The following DCP2 variants were observed in gnomAD, a reference collection of about 807,000 sequenced individuals.
DCP2 encodes m7GpppN-mRNA hydrolase.
Under a neutral mutation model 56.1 loss-of-function variants are expected in DCP2, and 30 were observed. The observed-to-expected ratio is 0.53, with a 90% CI of 0.40 to 0.73. DCP2 has a LOEUF of 0.73. Among genes scored for constraint, DCP2 ranks in the 30% least tolerant of loss-of-function variants. The pLI, the probability that DCP2 is intolerant of heterozygous loss-of-function variation, is 0.00. For missense variants in DCP2, 533 were observed against 502.7 expected (o/e 1.06, Z -0.58); for synonymous variants, 197 against 163.3 (o/e 1.21, Z -1.57).
At chr5:112,999,719 TC>T (rs1335871406) in intron 4 of DCP2, among the ~76,000 whole-genome samples, 2 of 151,060 alleles carry the variant, frequency 1.3e-5, no homozygotes, top group Non-Finnish European at 2.9e-5. Flanking sequence ...AGCCTGGAAC[TC>T]CTTTGATCAA....
At chr5:112,990,080 T>C (rs1363939048) in intron 2 of DCP2, among the ~76,000 whole-genome samples, 1 of 152,204 alleles carries the variant, frequency 6.6e-6, no homozygotes, top group Non-Finnish European at 1.5e-5. Context: ...TATTTGTACA[T>C]GTAAATCGTT....
At chr5:112,979,317 C>T in intron 1 of DCP2, among the ~76,000 whole-genome samples, 1 of 152,078 alleles carries the variant, frequency 6.6e-6, no homozygotes, top group Admixed American at 6.5e-5. Context: ...ATGCCATTTT[C>T]AAGTTAATAT....
At position 112,976,959 on chromosome 5, in the gene DCP2, C is replaced by G; in HGVS notation, c.26C>G (p.Pro9Arg). Residue 9 changes from proline (P) to arginine (R), a missense_variant, in exon 1 of 11, where the codon CCC (proline) becomes CGC (arginine). Pro to Arg is a moderately radical substitution (Grantham distance 103). Around this residue, in one of 3 missense-constraint regions of DCP2, gnomAD observed 137 missense variants for 138.2 expected, o/e 0.99. Coordinates refer to ENST00000389063, the MANE Select transcript of DCP2 (RefSeq NM_152624.6). ...ATGGAGACCAAACGGGTGGAGATTCCCGGCAGCGTCCTGGACGATCTCTGC... is the reference window on the plus strand; with the variant it reads ...ATGGAGACCAAACGGGTGGAGATTCGCGGCAGCGTCCTGGACGATCTCTGC... METKRVEI[P>R]GSVLDDLCSR... The G allele has an allele frequency of 1.9e-6, 3 of 1,594,764 alleles. No homozygotes were observed. The highest frequency in any genetic ancestry group is 2.6e-6 in the Non-Finnish European group (3 of 1,166,274).
chr5:112,986,350 T>A (rs886899739), intron 2 of DCP2, among the ~76,000 whole-genome samples: 5 of 152,028 alleles, frequency 3.3e-5, no homozygotes, highest in African/African-American at 1.2e-4. Flanking sequence ...TCTTTTTTTT[T>A]TTTAAGAGAC....
chr5:113,008,902 G>A (rs1377119849), intron 9 of DCP2, among the ~76,000 whole-genome samples: 2 of 151,238 alleles, frequency 1.3e-5, no homozygotes, highest in South Asian at 2.1e-4. Flanking sequence ...GGATTGCAGT[G>A]GCACGATCTC....
chr5:112,987,423 C>A (rs1008712233), intron 2 of DCP2, among the ~76,000 whole-genome samples: 4 of 151,986 alleles, frequency 2.6e-5, no homozygotes, highest in Admixed American at 6.6e-5. Flanking sequence ...GTTCTTAAAT[C>A]TTGAGCTAAA....
chr5:113,001,650 C>T lies in DCP2; in HGVS notation c.782C>T (p.Ala261Val), dbSNP rs1445972542. The T allele has an allele frequency of 4.3e-6, 7 of 1,614,000 alleles. No homozygotes were observed. Among genetic ancestry groups the T allele is most frequent in the Non-Finnish European group, 8.5e-7 (1 of 1,179,996 alleles). The change falls in exon 7 of 11, where the codon GCT becomes GTT. Residue 261 changes from alanine to valine, a missense_variant. By Grantham distance (64) the Ala-to-Val change is moderately conservative. Around this residue, in one of 3 missense-constraint regions of DCP2, gnomAD observed 392 missense variants for 346.6 expected, o/e 1.13. Transcript: ENST00000389063. ...NGFSSTGSTP[A>V]KPTVEKLSRT... is the part of the protein sequence containing the mutation. ...TTTTCCTCAACTGGTAGCACGCCGG[C>T]TAAACCCACTGTGGAAAAATTGAGG...
At chr5:113,010,929 C>A in intron 10 of DCP2, 122 bp downstream of exon 10, 5 of 1,029,990 alleles carry the variant, frequency 4.9e-6, no homozygotes, top group South Asian at 1.7e-5. Flanking sequence ...TGCATATGTT[C>A]TGTAGAAAGA....
At chr5:112,995,092 A>T (rs1345237958) in intron 4 of DCP2, among the ~76,000 whole-genome samples, 1 of 152,256 alleles carries the variant, frequency 6.6e-6, no homozygotes, top group Non-Finnish European at 1.5e-5. Flanking sequence ...ATTAGTGGTT[A>T]TTCACTTTGT....
chr5:112,979,851 CTTAT>C (rs753735632), intron 1 of DCP2, among the ~76,000 whole-genome samples: 4 of 152,044 alleles, frequency 2.6e-5, no homozygotes, highest in Non-Finnish European at 5.9e-5. Flanking sequence ...GAGTGAAATA[CTTAT>C]TTAGTCCCTT....
At chr5:113,005,935 C>T (rs552708992) in intron 8 of DCP2, among the ~76,000 whole-genome samples, 33 of 152,096 alleles carry the variant, frequency 2.2e-4, no homozygotes, top group Admixed American at 7.9e-4. Context: ...TAGTTCGAGA[C>T]CCACCTGGGC....
At chr5:113,000,898 A>G (rs1376948220) in intron 4 of DCP2, among the ~76,000 whole-genome samples, 186 bp from the exon 5 acceptor site, 4 of 152,234 alleles carry the variant, frequency 2.6e-5, no homozygotes, top group Non-Finnish European at 4.4e-5. Context: ...ATACAGTATT[A>G]GAAACAATAG....
chr5:112,996,220 C>T (rs141627341), intron 4 of DCP2, among the ~76,000 whole-genome samples: 15 of 152,234 alleles, frequency 9.9e-5, no homozygotes, highest in African/African-American at 1.9e-4. Context: ...GGTGGTGCTG[C>T]GGTATAAAAG....
intron 4 of DCP2, among the ~76,000 whole-genome samples, chr5:112,994,163 CTTTTTTTT>C (rs771514208): frequency 2.8e-4 from 21 of 75,152 alleles, no homozygotes; most frequent in Admixed American, 7.7e-4. Flanking sequence ...TTTTTTCTTT[CTTTTTTTT>C]TTTTTTTTTT....
chr5:113,016,444 A>G lies in DCP2; in HGVS notation c.*2960A>G, dbSNP rs1194262555. On this transcript the variant is annotated 3_prime_UTR_variant, in exon 11 of 11. Transcript: ENST00000389063. ...CTACTTGCTGTTCTGAGCTTTGAAT[A>G]TCGTTATTTTTCTATTAAATATCAA... 2.0e-5 allele frequency: 3 copies of G among 152,352 alleles called. No homozygotes were observed. Among genetic ancestry groups the G allele is most frequent in the South Asian group, 4.1e-4 (2 of 4,826 alleles). The allele number at this position is 152,352 out of a possible 1,614,324, so 9.4% of individuals were successfully genotyped here.
In DCP2 at chr5:112,992,109, C is replaced by G. The variant is rs1748620799; in HGVS notation, c.206-12C>G. On this transcript the variant is annotated splice_polypyrimidine_tract_variant and intron_variant, in intron 2 of 10. Transcript: ENST00000389063. ...TTAAAGGAGAAAGTAACTTCCTTGA[C>G]ACTATTTATACTCTTCAGTCATTGT... 2 of 1,609,886 alleles carry G rather than the reference C, an allele frequency of 1.2e-6. No individual in the cohort carries two copies. The highest frequency in any genetic ancestry group is 2.7e-5 in the African/African-American group (2 of 74,708).
Position 113,001,118 on chromosome 5 carries a change from A to G in DCP2, c.467A>G (p.Tyr156Cys), listed in dbSNP as rs756585237. 1.4e-5 allele frequency: 23 copies of G among 1,612,574 alleles called. No individual in the cohort carries two copies. Among genetic ancestry groups the G allele is most frequent in the East Asian group, 1.1e-4 (5 of 44,828 alleles). The change falls in exon 5 of 11, where the codon TAT (tyrosine) becomes TGT (cysteine). Residue 156 changes from tyrosine (Y) to cysteine (C), a missense_variant. By Grantham distance (194) the Tyr-to-Cys change is radical. Coordinates refer to ENST00000389063, the MANE Select transcript of DCP2 (RefSeq NM_152624.6). ...FEETGFDIKDYICKDDYIELR... is the reference protein window; with the variant it reads ...FEETGFDIKDCICKDDYIELR... The stretch of plus-strand genomic sequence containing the variant: ...GAAACTGGTTTTGATATCAAAGACT[A>G]TATTTGTAAGGATGATTACATTGAA...
At chr5:112,977,800 C>T (rs1389070661) in intron 1 of DCP2, among the ~76,000 whole-genome samples, 4 of 152,070 alleles carry the variant, frequency 2.6e-5, no homozygotes, top group Non-Finnish European at 4.4e-5. Context: ...CCGGAGTTGT[C>T]GCCAAGTGTG....
At chr5:112,985,107 A>C (rs550984065) in intron 1 of DCP2, among the ~76,000 whole-genome samples, 1 of 152,168 alleles carries the variant, frequency 6.6e-6, no homozygotes, top group Non-Finnish European at 1.5e-5. Context: ...CATTGGAAAA[A>C]ATAAGTGATA....
Sources: gnomAD v4.1 joint callset for allele counts (sites outside exome capture counted in the v4.1 genomes callset) on GRCh38, gnomAD v4.1.1 for gene constraint, gnomAD v4.1.1 regional missense constraint, MANE v1.5 for transcripts, NCBI Gene and HGNC (gene_info 2026-07-23, HGNC 2026-07-21) for gene names.